PTTG1IP: variants seen among roughly 807,000 people sequenced by gnomAD.
The protein encoded by PTTG1IP is PTTG1 interacting protein, also known as pituitary tumor-transforming gene 1 protein-interacting protein.
PTTG1IP carries 16 observed loss-of-function variants against 24.4 expected under a neutral mutation model. The ratio of observed to expected loss-of-function variants is 0.66; its 90% CI spans 0.44 to 1.00. PTTG1IP has a LOEUF of 1.00. PTTG1IP is among the 50% of genes least tolerant of loss of function. PTTG1IP has a pLI of 0.00. For missense variants in PTTG1IP, 241 were observed against 245.8 expected (o/e 0.98, Z 0.13); for synonymous variants, 89 against 96.8 (o/e 0.92, Z 0.47).
At chr21:44,861,402 A>C in intron 2 of PTTG1IP, 131 bp from the exon 3 acceptor site, 12 of 687,950 alleles carry the variant, frequency 1.7e-5, no homozygotes, top group Non-Finnish European at 2.5e-5. Context: ...CTCCCCCTCA[A>C]CGCCTCATCT....
At chr21:44,867,796 T>C (rs987118273) in intron 1 of PTTG1IP, among the ~76,000 whole-genome samples, 3 of 152,368 alleles carry the variant, frequency 2.0e-5, no homozygotes, top group South Asian at 2.1e-4. Context: ...GTGAAGAGCT[T>C]CATGATGAAA....
At chr21:44,872,378 ACTATG>A (rs1175817197) in intron 1 of PTTG1IP, among the ~76,000 whole-genome samples, 1 of 152,254 alleles carries the variant, frequency 6.6e-6, no homozygotes, top group Admixed American at 6.5e-5. Flanking sequence ...AAGGTGCTCT[ACTATG>A]CTAAACAGAC....
chr21:44,853,187 T>C (rs1225054456), intron 5 of PTTG1IP, among the ~76,000 whole-genome samples: 4 of 152,306 alleles, frequency 2.6e-5, no homozygotes, highest in South Asian at 2.1e-4. Flanking sequence ...TGCGTGTGTG[T>C]GTATCCACCT....
At position 44,873,494 on chromosome 21, in the gene PTTG1IP, G is replaced by C. The variant is rs1454479019; in HGVS notation, c.115+8C>G. 7.1e-7 allele frequency: 1 copy of C among 1,410,834 alleles called. No homozygotes were observed. Among genetic ancestry groups the C allele is most frequent in the East Asian group, 3.1e-5 (1 of 32,134 alleles). The allele number at this position is 1,410,834 out of a possible 1,614,324, so 87.4% of individuals were successfully genotyped here. A position where few individuals can be genotyped will look rare whatever the true frequency, so the allele number is the denominator to read the frequency against. ...CCTTCGCGGCCCCGCCCGCCCCGGC[G>C]CCCTCACCAGCTCCGGGAGGCTCCT... is the stretch of plus-strand genomic sequence containing the variant. On this transcript the variant is annotated splice_region_variant and intron_variant, in intron 1 of 5. Coordinates refer to ENST00000330938, the MANE Select transcript of PTTG1IP (RefSeq NM_004339.4).
chr21:44,853,480 C>T (rs2083425657), intron 5 of PTTG1IP, among the ~76,000 whole-genome samples: 1 of 148,118 alleles, frequency 6.8e-6, no homozygotes, highest in Admixed American at 6.8e-5. Context: ...TGCACTCCAG[C>T]CTGGGCGACA....
intron 5 of PTTG1IP, among the ~76,000 whole-genome samples, chr21:44,853,591 C>A (rs935097834): frequency 1.3e-4 from 20 of 152,194 alleles, no homozygotes; most frequent in Admixed American, 1.3e-3. Flanking sequence ...CCAGCCAAGG[C>A]CTGCAGAGAT....
At position 44,852,868 on chromosome 21, in the gene PTTG1IP, A is replaced by G. The variant is rs569353220; in HGVS notation, c.497-1241T>C. Among the ~76,000 whole-genome samples the G allele has an allele frequency of 9.2e-5, 14 of 152,334 alleles. No individual in the cohort carries two copies. In the South Asian group the frequency reaches 2.9e-3, roughly 32 times the overall value. On this transcript the variant is annotated intron_variant, in intron 5 of 5. Coordinates refer to ENST00000330938, the MANE Select transcript of PTTG1IP (RefSeq NM_004339.4). ...CTCACATGCTTTCTCGCACTCTCCC[A>G]TCAGGAATTCCTAGGAATTCTTCTA...
Position 44,873,671 on chromosome 21 carries a change from A to C in PTTG1IP, c.-55T>G. 1 of 1,308,996 alleles carries C rather than the reference A, an allele frequency of 7.6e-7. No individual in the cohort carries two copies. The highest frequency in any genetic ancestry group is 9.8e-7 in the Non-Finnish European group (1 of 1,024,906). The allele number at this position is 1,308,996 out of a possible 1,614,324, so 81.1% of individuals were successfully genotyped here. A position where few individuals can be genotyped will look rare whatever the true frequency, so the allele number is the denominator to read the frequency against. On this transcript the variant is annotated 5_prime_UTR_variant, in exon 1 of 6. Transcript: ENST00000330938. ...AGCGTTACAACTCCGACTCCAGCACAAGCGGTCTCCGCCCGGAACAGCCGC... is the reference window on the plus strand; with the variant it reads ...AGCGTTACAACTCCGACTCCAGCACCAGCGGTCTCCGCCCGGAACAGCCGC...
chr21:44,855,616 C>T (rs2083443432), intron 4 of PTTG1IP, among the ~76,000 whole-genome samples: 1 of 152,216 alleles, frequency 6.6e-6, no homozygotes, highest in Admixed American at 6.5e-5. Context: ...ATGCGATTGT[C>T]AGCTTTTACT....
In PTTG1IP at chr21:44,852,338, T is replaced by C. The variant is rs1490411609; in HGVS notation, c.497-711A>G. The stretch of plus-strand genomic sequence containing the variant: ...CTAGGACTGCAGGCACCCACCACCA[T>C]ACTTGGCTAATTTTTGTATTTTTAG... On this transcript the variant is annotated intron_variant, in intron 5 of 5. Transcript: ENST00000330938. 2.0e-5 allele frequency among the ~76,000 whole-genome samples: 3 copies of C among 152,026 alleles called. No homozygotes were observed. In the East Asian group the frequency reaches 5.8e-4, roughly 29 times the overall value.
At chr21:44,859,263 A>G (rs1023515601) in intron 3 of PTTG1IP, among the ~76,000 whole-genome samples, 2 of 152,252 alleles carry the variant, frequency 1.3e-5, no homozygotes, top group East Asian at 1.9e-4. Flanking sequence ...CGGGAAGTCC[A>G]GTCAGTGGCT....
intron 1 of PTTG1IP, chr21:44,865,708 G>A (rs2083531050): frequency 1.7e-6 from 1 of 576,668 alleles, no homozygotes; most frequent in South Asian, 2.1e-5. Flanking sequence ...GGGCTCTTCT[G>A]GGAGAGAAGA....
intron 1 of PTTG1IP, among the ~76,000 whole-genome samples, chr21:44,871,251 G>T (rs955510858): frequency 5.3e-5 from 5 of 95,040 alleles, no homozygotes; most frequent in Admixed American, 9.8e-5. Context: ...AGGGTGACAG[G>T]GGCAGAACTC....
At position 44,851,398 on chromosome 21, in the gene PTTG1IP, T is replaced by C. The variant is rs2083409707; in HGVS notation, c.*183A>G. The C allele has an allele frequency of 2.6e-6, 4 of 1,555,472 alleles. No homozygotes were observed. Among genetic ancestry groups the C allele is most frequent in the African/African-American group, 2.7e-5 (2 of 73,526 alleles). On this transcript the variant is annotated 3_prime_UTR_variant, in exon 6 of 6. Coordinates refer to ENST00000330938, the MANE Select transcript of PTTG1IP (RefSeq NM_004339.4). ...ACAGAGATGAACAGGGAATAGAAGG[T>C]CACCAGTCTGCAAGACGAGAGGACT...
In PTTG1IP at chr21:44,854,995, T is replaced by C. The variant is rs1197876548; in HGVS notation, c.496+215A>G. ...CAGCTATCTGAGAAAACAGACTTCA[T>C]GAAGACGACTGGCTGAGATAAAGAT... On this transcript the variant is annotated intron_variant, in intron 5 of 5. Transcript: ENST00000330938. Among the ~76,000 whole-genome samples the C allele has an allele frequency of 2.0e-5, 3 of 152,346 alleles. No homozygotes were observed. In the East Asian group the frequency reaches 5.8e-4, roughly 29 times the overall value.
chr21:44,852,471 G>A (rs1237779735), intron 5 of PTTG1IP, among the ~76,000 whole-genome samples: 5 of 152,188 alleles, frequency 3.3e-5, no homozygotes, highest in South Asian at 2.1e-4. Context: ...GTGAGCCACC[G>A]TGCCTGGCCT....
Position 44,856,390 on chromosome 21 carries a change from G to A in PTTG1IP, c.278-26C>T, listed in dbSNP as rs770583018. 10 of 1,593,420 alleles carry A rather than the reference G, an allele frequency of 6.3e-6. No individual in the cohort carries two copies. The Admixed American group carries it at 1.7e-4, about 27-fold the overall frequency. ...CTGGAGATTCAAGCACCTGGAGTTA[G>A]GGCCGCCCCAGACACAGAACCCACC... On this transcript the variant is annotated intron_variant, in intron 3 of 5. Coordinates refer to ENST00000330938, the MANE Select transcript of PTTG1IP (RefSeq NM_004339.4).
At chr21:44,865,694 A>G in intron 1 of PTTG1IP, 1 of 588,876 alleles carries the variant, frequency 1.7e-6, no homozygotes, top group Non-Finnish European at 3.0e-6. Flanking sequence ...GCTCCTATCC[A>G]CAAGGGCTCT....
intron 1 of PTTG1IP, among the ~76,000 whole-genome samples, chr21:44,869,371 T>C (rs1189069742): frequency 2.0e-5 from 3 of 152,234 alleles, no homozygotes; most frequent in Non-Finnish European, 4.4e-5. Context: ...CTCTGAAGAA[T>C]GTAGAGATAA....
Sources: allele counts gnomAD v4.1 joint callset (sites outside exome capture counted in the v4.1 genomes callset), GRCh38; gene constraint gnomAD v4.1.1; transcripts MANE v1.5; gene names NCBI Gene and HGNC (gene_info 2026-07-23, HGNC 2026-07-21).